POM121C: variants seen among roughly 807,000 people sequenced by gnomAD.
The protein encoded by POM121C is POM121 transmembrane nucleoporin C, also known as nuclear envelope pore membrane protein POM 121C.
POM121C carries 20 observed loss-of-function variants against 66.4 expected under a neutral mutation model. The observed-to-expected ratio is 0.30, with a 90% CI of 0.21 to 0.44. The LOEUF is 0.44. Among genes scored for constraint, POM121C ranks in the 20% least tolerant of loss-of-function variants. POM121C has a pLI of 1.00. For missense variants in POM121C, 580 were observed against 1,225.7 expected, an observed-to-expected ratio of 0.47 and a Z score of 7.87; for synonymous variants, 286 against 528.0, an observed-to-expected ratio of 0.54 and a Z score of 6.28.
chr7:75,439,377 T>C (rs1554473555), intron 5 of POM121C, among the ~76,000 whole-genome samples, 153 bp from the exon 6 acceptor site: 1 of 151,710 alleles, frequency 6.6e-6, no homozygotes, highest in East Asian at 1.9e-4. Context: ...CCTAAGTTTC[T>C]GAAAGGTAAA....
At chr7:75,452,579 A>G (rs1193681132) in intron 3 of POM121C, among the ~76,000 whole-genome samples, 2 of 152,180 alleles carry the variant, frequency 1.3e-5, no homozygotes, top group African/African-American at 4.8e-5. Context: ...GCTGGTCCCA[A>G]TGCTAGAATG....
In POM121C at chr7:75,421,608, T is replaced by C. The variant is rs236661; in HGVS notation, c.2644A>G (p.Thr882Ala). The C allele has an allele frequency of 7.2e-3, 11,492 of 1,605,478 alleles. 284 individuals carry two copies. Among genetic ancestry groups the C allele is most frequent in the African/African-American group, 0.026 (1,940 of 73,308 alleles). Reference protein sequence around the residue: ...SGSTATSTPFTGGLGQNALGT... With the variant: ...SGSTATSTPFAGGLGQNALGT... Reference sequence around the variant, plus strand: ...AGGGCGTTCTGACCTAAGCCCCCTGTGAAGGGGGTGGAGGTGGCTGTGCTC... The same window carrying C: ...AGGGCGTTCTGACCTAAGCCCCCTGCGAAGGGGGTGGAGGTGGCTGTGCTC... The change falls in exon 13 of 15, where the codon ACA becomes GCA. Residue 882 changes from threonine to alanine, a missense_variant. Transcript: ENST00000615331.
At chr7:75,467,797 C>T (rs1791716488) in intron 3 of POM121C, among the ~76,000 whole-genome samples, 1 of 152,000 alleles carries the variant, frequency 6.6e-6, no homozygotes, top group African/African-American at 2.4e-5. Context: ...CATTGAGCAC[C>T]TACCTATGTG....
chr7:75,424,114 C>T lies in POM121C; in HGVS notation c.983G>A (p.Ser328Asn). The stretch of plus-strand genomic sequence containing the variant: ...CAAGCTCTCTAACAGTGGGTTGGTG[C>T]TTGGGGCCAGGAGGGAGGTGGGTGG... ...ASPPTSLLAP[S>N]TNPLLESLKK... is the part of the protein sequence containing the mutation. Residue 328 changes from serine (S) to asparagine (N), a missense_variant, in exon 12 of 15, where the codon AGC (serine) becomes AAC (asparagine). Physicochemically the swap from Ser to Asn is conservative, Grantham distance 46. Transcript: ENST00000615331. 3 of 1,611,878 alleles carry T rather than the reference C, an allele frequency of 1.9e-6. No homozygotes were observed. Among genetic ancestry groups the T allele is most frequent in the South Asian group, 1.1e-5 (1 of 90,980 alleles).
chr7:75,456,046 G>A (rs1264101011), intron 3 of POM121C, among the ~76,000 whole-genome samples: 1 of 152,174 alleles, frequency 6.6e-6, no homozygotes, highest in African/African-American at 2.4e-5. Context: ...ATTAGCCTGG[G>A]CAACATAGCA....
At chr7:75,479,488 T>C (rs1454131334) in intron 1 of POM121C, among the ~76,000 whole-genome samples, 58 of 149,260 alleles carry the variant, frequency 3.9e-4, no homozygotes, top group African/African-American at 1.4e-3. Context: ...TGATGGTGGG[T>C]GTCTGTAATC....
chr7:75,460,105 C>T (rs1554476801), intron 3 of POM121C, among the ~76,000 whole-genome samples: 1 of 139,070 alleles, frequency 7.2e-6, no homozygotes, highest in African/African-American at 2.8e-5. Flanking sequence ...CCAGAGGGAA[C>T]AAGTAGAAAA....
At chr7:75,448,502 GA>G (rs61223131) in intron 3 of POM121C, among the ~76,000 whole-genome samples, 17,693 of 78,694 alleles carry the variant, frequency 0.22, 28 homozygotes, top group Middle Eastern at 0.3. Flanking sequence ...AACAGAAACA[GA>G]AAAAAAAAAA....
intron 7 of POM121C, among the ~76,000 whole-genome samples, chr7:75,430,613 A>G: frequency 6.6e-6 from 1 of 152,244 alleles, no homozygotes; most frequent in East Asian, 1.9e-4. Flanking sequence ...TCATGACCTT[A>G]GGTTGGACAG....
At chr7:75,442,588 G>T (rs1297502351) in intron 3 of POM121C, 13 of 1,492,790 alleles carry the variant, frequency 8.7e-6, no homozygotes, top group Middle Eastern at 4.6e-4. Flanking sequence ...GGTACAGTAG[G>T]AGGCCGACCA....
intron 3 of POM121C, among the ~76,000 whole-genome samples, chr7:75,450,269 GA>G (rs1469295047): frequency 6.6e-6 from 1 of 151,642 alleles, no homozygotes; most frequent in Non-Finnish European, 1.5e-5. Flanking sequence ...ATCCGAGAAG[GA>G]AAGCTGGGGA....
chr7:75,430,263 T>TA (rs1335969610), intron 7 of POM121C, among the ~76,000 whole-genome samples: 2 of 152,032 alleles, frequency 1.3e-5, no homozygotes, highest in Non-Finnish European at 2.9e-5. Context: ...TATCAAGACT[T>TA]AAAGTATAAG....
intron 3 of POM121C, chr7:75,442,300 C>G: frequency 1.4e-6 from 2 of 1,438,948 alleles, no homozygotes; most frequent in Non-Finnish European, 1.8e-6. Flanking sequence ...CCTGGCCCTC[C>G]GGAGCGGGGG....
At chr7:75,435,403 A>AGAGGAAG (rs1790365201) in intron 7 of POM121C, among the ~76,000 whole-genome samples, 1 of 152,248 alleles carries the variant, frequency 6.6e-6, no homozygotes. Flanking sequence ...ATAAAAATGG[A>AGAGGAAG]GAGGAAGGAA....
At chr7:75,462,837 T>G (rs1288562534) in intron 3 of POM121C, among the ~76,000 whole-genome samples, 2 of 151,978 alleles carry the variant, frequency 1.3e-5, no homozygotes, top group Non-Finnish European at 2.9e-5. Context: ...GAAGAAGCTG[T>G]GGAGAGTTTC....
At chr7:75,473,690 G>GTTTT (rs1311428682) in intron 3 of POM121C, among the ~76,000 whole-genome samples, 2 of 150,906 alleles carry the variant, frequency 1.3e-5, no homozygotes, top group Admixed American at 1.3e-4. Flanking sequence ...TTGTTTGTTT[G>GTTTT]TTTTTTTGTT....
Position 75,421,903 on chromosome 7 carries a change from G to C in POM121C, c.2349C>G (p.Ala783=). Residue 783 remains alanine (A), a synonymous_variant, in exon 13 of 15, where the codon GCC becomes GCG. Transcript: ENST00000615331. ...GCTGTGAGCTGGCGGGAGCGCCGAA[G>C]GCGGAAGCCGTGGCTTTCAATCCAA... ...SAFGLKATAS[A]FGAPASSQPA... is the part of the protein sequence containing the mutation. 6.2e-7 allele frequency: 1 copy of C among 1,612,796 alleles called. No individual in the cohort carries two copies. The highest frequency in any genetic ancestry group is 1.3e-5 in the African/African-American group (1 of 75,066).
intron 3 of POM121C, among the ~76,000 whole-genome samples, chr7:75,469,272 T>C (rs1423361447): frequency 6.6e-6 from 1 of 152,086 alleles, no homozygotes; most frequent in Admixed American, 6.6e-5. Context: ...GCTAATTTTT[T>C]ATTTTTTTAG....
rs587760079 is a variant in POM121C, at chr7:75,468,102, A to C, written c.-152+6602T>G. 3.7e-3 allele frequency among the ~76,000 whole-genome samples: 499 copies of C among 135,860 alleles called. 2 individuals carry two copies. Among genetic ancestry groups the C allele is most frequent in the African/African-American group, 0.012 (472 of 38,224 alleles). 89.1% of individuals were successfully genotyped at this position (135,860 alleles called of 152,430 possible). On this transcript the variant is annotated intron_variant, in intron 3 of 14. Coordinates refer to ENST00000615331, the MANE Select transcript of POM121C (RefSeq NM_001099415.3). ...AGCTGAGATGGCACAACTGCACCCC[A>C]ACCTGGGCAACAGAGACTCTGTCTA...
Sources: allele counts gnomAD v4.1 joint callset (sites outside exome capture counted in the v4.1 genomes callset), GRCh38; gene constraint gnomAD v4.1.1; transcripts MANE v1.5; gene names NCBI Gene and HGNC (gene_info 2026-07-23, HGNC 2026-07-21).